The following NTSR1 variants were observed in gnomAD, a reference collection of about 807,000 sequenced individuals.
NTSR1 encodes neurotensin receptor type 1.
A neutral mutation model predicts 31.2 loss-of-function variants in NTSR1; 29 were observed. That is an observed-to-expected ratio of 0.93 (90% confidence interval 0.69 to 1.27). The LOEUF (loss-of-function observed/expected upper bound fraction) is 1.27, where lower values mean the gene tolerates loss of function less well. NTSR1 is among the 50% of genes most tolerant of loss of function. NTSR1 has a pLI of 0.00. For missense variants in NTSR1, 697 were observed against 595.4 expected, an observed-to-expected ratio of 1.17 and a Z score of -1.78; for synonymous variants, 282 against 269.9, an observed-to-expected ratio of 1.04 and a Z score of -0.44.
chr20:62,713,650 G>T (rs889740727), intron 1 of NTSR1, among the ~76,000 whole-genome samples: 7 of 152,198 alleles, frequency 4.6e-5, no homozygotes, highest in Non-Finnish European at 7.3e-5. Context: ...AGAAAGAAAG[G>T]TGTGGCCAAA....
chr20:62,757,705 A>G (rs1342380148), intron 2 of NTSR1, among the ~76,000 whole-genome samples: 2 of 152,106 alleles, frequency 1.3e-5, no homozygotes, highest in Non-Finnish European at 2.9e-5. Flanking sequence ...TCTCCCTCAG[A>G]CCACGTGTCT....
chr20:62,749,222 A>G (rs1271371404), intron 1 of NTSR1, among the ~76,000 whole-genome samples: 3 of 152,206 alleles, frequency 2.0e-5, no homozygotes, highest in African/African-American at 7.2e-5. Flanking sequence ...TGGGCGGATC[A>G]CGAGGTCAGG....
In NTSR1 at chr20:62,723,660, G is replaced by A. The variant is rs111799751; in HGVS notation, c.714+13739G>A. Among the ~76,000 whole-genome samples, 1,058 of 152,318 alleles carry A rather than the reference G, an allele frequency of 6.9e-3. 20 individuals carry two copies. The highest frequency in any genetic ancestry group is 0.024 in the African/African-American group (989 of 41,572). On this transcript the variant is annotated intron_variant, in intron 1 of 3. Coordinates refer to ENST00000370501, the MANE Select transcript of NTSR1 (RefSeq NM_002531.3). Reference sequence around the variant, plus strand: ...TTTCCCATCACCACTGCCCTGCCCTGCACCCTTAAGACACAGAAGCTGCCA... The same window carrying A: ...TTTCCCATCACCACTGCCCTGCCCTACACCCTTAAGACACAGAAGCTGCCA...
At chr20:62,734,653 A>T (rs1383450074) in intron 1 of NTSR1, among the ~76,000 whole-genome samples, 1 of 152,186 alleles carries the variant, frequency 6.6e-6, no homozygotes, top group Non-Finnish European at 1.5e-5. Context: ...GCCCTGGGCC[A>T]CACGTGGCCA....
At chr20:62,751,857 G>A (rs1202640334) in intron 1 of NTSR1, among the ~76,000 whole-genome samples, 1 of 152,174 alleles carries the variant, frequency 6.6e-6, no homozygotes, top group African/African-American at 2.4e-5. Context: ...TGCCTGGGTG[G>A]CCAGTCTTCT....
chr20:62,709,486 G>C lies in NTSR1; in HGVS notation c.279G>C (p.Ser93=), dbSNP rs1487146903. The C allele has an allele frequency of 1.1e-5, 18 of 1,612,474 alleles. No individual in the cohort carries two copies. Among genetic ancestry groups the C allele is most frequent in the Middle Eastern group, 1.6e-4 (1 of 6,084 alleles). Residue 93 remains serine, a synonymous_variant, in exon 1 of 4, where the codon TCG becomes TCC. Coordinates refer to ENST00000370501, the MANE Select transcript of NTSR1 (RefSeq NM_002531.3). ...CGTTCACGCTGGCGCGGAAGAAGTC[G>C]CTGCAGAGCCTGCAGAGCACGGTGC... The part of the protein sequence containing the change: ...VTAFTLARKK[S]LQSLQSTVHY...
intron 1 of NTSR1, among the ~76,000 whole-genome samples, chr20:62,749,612 AC>A (rs1989359093): frequency 6.6e-6 from 1 of 152,202 alleles, no homozygotes; most frequent in Admixed American, 6.5e-5. Context: ...GAGAAAAATA[AC>A]CCATTTAAAA....
intron 1 of NTSR1, 113 bp from the exon 2 acceptor site, chr20:62,754,572 G>T: frequency 1.2e-6 from 1 of 853,822 alleles, no homozygotes; most frequent in Non-Finnish European, 1.9e-6. Context: ...TGTGTTGACT[G>T]AGCACCTCAC....
In NTSR1 at chr20:62,714,452, A is replaced by G. The variant is rs1311405288; in HGVS notation, c.714+4531A>G. 6.6e-6 allele frequency among the ~76,000 whole-genome samples: 1 copy of G among 152,266 alleles called. No homozygotes were observed. Among genetic ancestry groups the G allele is most frequent in the East Asian group, 1.9e-4 (1 of 5,204 alleles). ...TAAGTGAAGAAGGAGCAGGATGGTC[A>G]GAATACCACCCATCAGGTGCAATCC... is the stretch of plus-strand genomic sequence containing the variant. On this transcript the variant is annotated intron_variant, in intron 1 of 3. Transcript: ENST00000370501. The surrounding 1 kb of genome is among the most constrained non-coding windows in gnomAD (Gnocchi z 4.1).
intron 1 of NTSR1, among the ~76,000 whole-genome samples, chr20:62,713,710 GT>G: frequency 6.6e-6 from 1 of 152,228 alleles, no homozygotes; most frequent in Non-Finnish European, 1.5e-5. Context: ...CTGCTTGCGG[GT>G]CATGCGGCAT....
chr20:62,731,354 G>A (rs1227907810), intron 1 of NTSR1, among the ~76,000 whole-genome samples: 7 of 152,138 alleles, frequency 4.6e-5, no homozygotes, highest in Admixed American at 4.6e-4. Context: ...AAAGTGCTGG[G>A]ATTACAAGTG....
intron 1 of NTSR1, among the ~76,000 whole-genome samples, chr20:62,719,467 C>T (rs974964928): frequency 1.3e-5 from 2 of 150,580 alleles, no homozygotes; most frequent in African/African-American, 5.0e-5. Context: ...CATCGTCATA[C>T]GATCATCCCC....
At chr20:62,722,674 C>A (rs1361364889) in intron 1 of NTSR1, among the ~76,000 whole-genome samples, 1 of 152,220 alleles carries the variant, frequency 6.6e-6, no homozygotes, top group African/African-American at 2.4e-5. Flanking sequence ...GAAACTGTCC[C>A]CAAACAGAGG....
chr20:62,746,031 C>T (rs1036669897), intron 1 of NTSR1, among the ~76,000 whole-genome samples: 4 of 152,212 alleles, frequency 2.6e-5, no homozygotes, highest in African/African-American at 9.7e-5. Context: ...CCCTATGTGG[C>T]CAGGGCTGAG....
chr20:62,713,504 G>A (rs116639457), intron 1 of NTSR1, among the ~76,000 whole-genome samples: 87 of 152,322 alleles, frequency 5.7e-4, no homozygotes, highest in African/African-American at 2.0e-3. Context: ...AGTGAAATCT[G>A]GCCATGGATT....
Position 62,760,411 on chromosome 20 carries a change from T to G in NTSR1, c.*144T>G. The G allele has an allele frequency of 1.5e-6, 1 of 670,202 alleles. No homozygotes were observed. The highest frequency in any genetic ancestry group is 2.2e-6 in the Non-Finnish European group (1 of 455,382). 41.5% of individuals were successfully genotyped at this position (670,202 alleles called of 1,614,324 possible). On this transcript the variant is annotated 3_prime_UTR_variant, in exon 4 of 4. Coordinates refer to ENST00000370501, the MANE Select transcript of NTSR1 (RefSeq NM_002531.3). ...GAGTCTGAGGCCTGGGACCCCCCCC[T>G]CCCACCCCCTAACCCATGTTTCTCA...
rs535774214 is a variant in NTSR1, at chr20:62,754,865, C to G, written c.895C>G (p.Arg299Gly). The G allele has an allele frequency of 3.7e-6, 6 of 1,602,998 alleles. No homozygotes were observed. Among genetic ancestry groups the G allele is most frequent in the Admixed American group, 1.7e-5 (1 of 59,754 alleles). Residue 299 changes from arginine to glycine, a missense_variant, in exon 2 of 4, where the codon CGG (arginine) becomes GGG (glycine). Physicochemically the swap from Arg to Gly is moderately radical, Grantham distance 125 (BLOSUM62 -2). Transcript: ENST00000370501. ...CGAGCCTGGCAGGGTCCAGGCCCTG[C>G]GGCACGGCGTGCGCGTCCTACGTAC... is the stretch of plus-strand genomic sequence containing the variant. ...AIEPGRVQALRHGVRVLRAVV... is the reference protein window; with the variant it reads ...AIEPGRVQALGHGVRVLRAVV...
intron 1 of NTSR1, among the ~76,000 whole-genome samples, chr20:62,739,103 G>A (rs1174802737): frequency 6.6e-6 from 1 of 152,246 alleles, no homozygotes; most frequent in Non-Finnish European, 1.5e-5. Flanking sequence ...GGAGACGCGT[G>A]TGGAACCTCA....
intron 1 of NTSR1, among the ~76,000 whole-genome samples, chr20:62,727,582 G>A (rs1218169149): frequency 2.0e-5 from 3 of 152,222 alleles, no homozygotes; most frequent in Non-Finnish European, 1.5e-5. Flanking sequence ...TGAGCCCTCC[G>A]CCTCCAGCAT....
Sources: gnomAD v4.1 joint callset for allele counts (sites outside exome capture counted in the v4.1 genomes callset) on GRCh38, gnomAD v4.1.1 for gene constraint, Gnocchi (gnomAD v3.1) non-coding constraint, MANE v1.5 for transcripts, NCBI Gene and HGNC (gene_info 2026-07-23, HGNC 2026-07-21) for gene names.